COL18A1: variants seen among roughly 807,000 people sequenced by gnomAD.
COL18A1 encodes the protein collagen type XVIII alpha 1 chain.
Under a neutral mutation model 168.0 loss-of-function variants are expected in COL18A1, and 133 were observed. That is an observed-to-expected ratio of 0.79 (90% CI 0.69 to 0.91). COL18A1 has a LOEUF of 0.91. Among genes scored for constraint, COL18A1 ranks in the 40% least tolerant of loss-of-function variants. COL18A1 has a pLI of 0.00. For missense variants in COL18A1, 2,126 were observed against 1,925.4 expected (o/e 1.10, Z -1.95); for synonymous variants, 949 against 809.0 (o/e 1.17, Z -2.94).
At chr21:45,427,117 G>C (rs1204203326) in intron 2 of COL18A1, among the ~76,000 whole-genome samples, 1 of 152,222 alleles carries the variant, frequency 6.6e-6, no homozygotes, top group East Asian at 1.9e-4. Context: ...TCTCCGGAGC[G>C]TGTGTAGGGC....
chr21:45,497,480 T>TCCATCTGA, intron 31 of COL18A1, 119 bp from the exon 32 acceptor site: 7 of 1,342,084 alleles, frequency 5.2e-6, no homozygotes, highest in Non-Finnish European at 6.2e-6. Flanking sequence ...TGTCCCCATG[T>TCCATCTGA]CCATCTGATG....
At chr21:45,451,632 T>A (rs1293068395) in intron 2 of COL18A1, among the ~76,000 whole-genome samples, 5 of 152,232 alleles carry the variant, frequency 3.3e-5, no homozygotes, top group Non-Finnish European at 7.3e-5. Flanking sequence ...GACGCCACGT[T>A]CTGCACTCAG....
chr21:45,426,253 C>T (rs1222279061), intron 2 of COL18A1, among the ~76,000 whole-genome samples: 5 of 152,090 alleles, frequency 3.3e-5, no homozygotes, highest in African/African-American at 4.8e-5. Context: ...TACAGGCGCC[C>T]GCCACCACAC....
chr21:45,472,263 G>A (rs535864747), intron 3 of COL18A1, among the ~76,000 whole-genome samples: 6 of 150,328 alleles, frequency 4.0e-5, no homozygotes, highest in South Asian at 2.1e-4. Context: ...TCGCTCTGTC[G>A]CCCAGGCTGG....
rs375606333 is a variant in COL18A1, at chr21:45,495,366, C to G, written c.2442C>G (p.Pro814=). Reference sequence around the variant, plus strand: ...CCTGTGCTCCGCCCCAGGGTCGCCCCGGGATGAACGGATTGAAAGGAGAGA... The same window carrying G: ...CCTGTGCTCCGCCCCAGGGTCGCCCGGGGATGAACGGATTGAAAGGAGAGA... ...EIGFPGRPGR[P]GMNGLKGEKG... The change falls in exon 29 of 42, where the codon CCC becomes CCG. Residue 814 remains proline (P), a synonymous_variant. Coordinates refer to ENST00000651438, the MANE Select transcript of COL18A1 (RefSeq NM_001379500.1). 4 of 1,609,516 alleles carry G rather than the reference C, an allele frequency of 2.5e-6. No homozygotes were observed. The highest frequency in any genetic ancestry group is 1.1e-5 in the South Asian group (1 of 90,388).
intron 2 of COL18A1, among the ~76,000 whole-genome samples, chr21:45,452,176 T>C (rs1389689957): frequency 1.3e-5 from 2 of 152,228 alleles, no homozygotes; most frequent in Admixed American, 6.5e-5. Flanking sequence ...AGTCGGGCCC[T>C]TTACACAGAG....
intron 2 of COL18A1, among the ~76,000 whole-genome samples, chr21:45,441,540 C>G (rs1193942318): frequency 6.6e-6 from 1 of 152,216 alleles, no homozygotes; most frequent in African/African-American, 2.4e-5. Context: ...GTCCTCCAGT[C>G]CTGCTGCCCG....
rs1278535946 is a variant in COL18A1, at chr21:45,437,118, CACAG to C, written c.107-31120_107-31117del. The stretch of plus-strand genomic sequence containing the variant: ...GCACTCTCCTGCACACACACTCACA[CACAG>C]ACACACAGGCACTCTCCACACACAC... On this transcript the variant is annotated intron_variant, in intron 2 of 41. Transcript: ENST00000651438. 1.9e-4 allele frequency among the ~76,000 whole-genome samples: 19 copies of C among 101,536 alleles called. 3 individuals are homozygous for C. The highest frequency in any genetic ancestry group is 1.4e-3 in the East Asian group (5 of 3,522). 66.6% of individuals were successfully genotyped at this position (101,536 alleles called of 152,430 possible). A position where few individuals can be genotyped will look rare whatever the true frequency, so the allele number is the denominator to read the frequency against.
chr21:45,499,340 C>T (rs935871128), intron 32 of COL18A1, among the ~76,000 whole-genome samples: 2 of 152,336 alleles, frequency 1.3e-5, no homozygotes, highest in South Asian at 2.1e-4. Flanking sequence ...TGGCAGGAAC[C>T]GGCGTCCCAG....
rs1470967399 is a variant in COL18A1, at chr21:45,511,231, GT to G, written c.3809+7del. ...CGTCCTGAGGCACCCCACCTGGTAG[GT>G]TCCCAGTGCCGTGTGAGCAGCTCTG... On this transcript the variant is annotated splice_donor_region_variant and intron_variant, in intron 41 of 41. Coordinates refer to ENST00000651438, the MANE Select transcript of COL18A1 (RefSeq NM_001379500.1). The G allele has an allele frequency of 6.6e-7, 1 of 1,509,144 alleles. No homozygotes were observed. The highest frequency in any genetic ancestry group is 1.8e-5 in the Admixed American group (1 of 54,282). 93.5% of individuals were successfully genotyped at this position (1,509,144 alleles called of 1,614,324 possible).
At chr21:45,424,767 C>T (rs2033735228) in intron 2 of COL18A1, 1 of 152,356 alleles carries the variant, frequency 6.6e-6, no homozygotes, top group African/African-American at 2.4e-5. Context: ...TCCCTCAGTC[C>T]TAGGTGTGCA....
intron 6 of COL18A1, among the ~76,000 whole-genome samples, chr21:45,477,104 G>A (rs1161375264): frequency 6.6e-6 from 1 of 152,184 alleles, no homozygotes; most frequent in East Asian, 1.9e-4. Context: ...CATGCTGGGT[G>A]ATAAGAAGGC....
chr21:45,478,227 T>G, intron 8 of COL18A1, 100 bp from the exon 9 acceptor site: 1 of 1,521,362 alleles, frequency 6.6e-7, no homozygotes, highest in Non-Finnish European at 9.1e-7. Flanking sequence ...GTCTGCCGCC[T>G]CGTGGGGACT....
intron 6 of COL18A1, among the ~76,000 whole-genome samples, chr21:45,476,845 TGTGTA>T (rs201783726): frequency 0.04 from 6,064 of 151,444 alleles, 154 homozygotes; most frequent in African/African-American, 0.067. Context: ...TTGTATGTGA[TGTGTA>T]GTGTGCGTAT....
chr21:45,405,506 C>T (rs951456850), intron 2 of COL18A1, 33 bp downstream of exon 2: 3 of 1,257,426 alleles, frequency 2.4e-6, no homozygotes, highest in African/African-American at 3.1e-5. Flanking sequence ...AGGTTCGCGC[C>T]GGTGCCCGCC....
chr21:45,492,623 G>A (rs572233315), intron 23 of COL18A1, 59 bp downstream of exon 23: 7 of 1,611,330 alleles, frequency 4.3e-6, no homozygotes, highest in South Asian at 3.3e-5. Context: ...ACAAGGCTGG[G>A]TGGGGTCCGG....
chr21:45,508,631 A>G (rs2037393642), intron 38 of COL18A1, among the ~76,000 whole-genome samples: 1 of 152,048 alleles, frequency 6.6e-6, no homozygotes, highest in African/African-American at 2.4e-5. Flanking sequence ...TTGGCTCAGG[A>G]GTGAGGCCTG....
At chr21:45,454,508 C>T (rs2034733234) in intron 2 of COL18A1, among the ~76,000 whole-genome samples, 1 of 152,176 alleles carries the variant, frequency 6.6e-6, no homozygotes, top group South Asian at 2.1e-4. Flanking sequence ...TGTGAGGATG[C>T]ACATGTGTGA....
At chr21:45,444,735 G>A (rs1003303210) in intron 2 of COL18A1, among the ~76,000 whole-genome samples, 9 of 152,076 alleles carry the variant, frequency 5.9e-5, no homozygotes, top group African/African-American at 2.2e-4. Context: ...GCTGGTACTA[G>A]GTTTGAAAAC....
Sources: gnomAD v4.1 joint callset for allele counts (sites outside exome capture counted in the v4.1 genomes callset) on GRCh38, gnomAD v4.1.1 for gene constraint, MANE v1.5 for transcripts, NCBI Gene and HGNC (gene_info 2026-07-23, HGNC 2026-07-21) for gene names.